LPP: variants seen among roughly 807,000 people sequenced by gnomAD.
The protein encoded by LPP is lipoma-preferred partner.
In LPP, 38 loss-of-function variants were observed where a neutral mutation model predicts 60.4. The observed-to-expected ratio is 0.63, with a 90% CI of 0.49 to 0.83. The LOEUF is 0.83. Ranked by LOEUF, LPP falls within the 40% of genes least tolerant of loss-of-function variation. LPP has a pLI of 0.00. For synonymous variants in LPP, 328 were observed against 290.8 expected, an observed-to-expected ratio of 1.13 and a Z score of -1.30; for missense variants, 902 against 783.6, an observed-to-expected ratio of 1.15 and a Z score of -1.80.
chr3:188,707,144 C>T (rs1425206272), intron 7 of LPP, among the ~76,000 whole-genome samples: 1 of 151,874 alleles, frequency 6.6e-6, no homozygotes, highest in Non-Finnish European at 1.5e-5. Context: ...GGCTCGCCCG[C>T]CTATTTATTT....
At position 188,280,638 on chromosome 3, in the gene LPP, A is replaced by G. The variant is rs187988713; in HGVS notation, c.-67+55111A>G. On this transcript the variant is annotated intron_variant, in intron 2 of 11. Transcript: ENST00000617246. ...GATTTCATTGTGATTCCAGTTGTCG[A>G]CGGTCCTATGTAGACAGGTGATTTG... Among the ~76,000 whole-genome samples the G allele has an allele frequency of 1.3e-4, 19 of 151,956 alleles. No homozygotes were observed. In the East Asian group the frequency reaches 2.9e-3, roughly 23 times the overall value.
rs191538670 is a variant in LPP at position 188,633,262 on chromosome 3, G to A, written c.1113+23418G>A. On this transcript the variant is annotated intron_variant, in intron 7 of 11. Transcript: ENST00000617246. ...CAACCAGTCTAAACAGAACCCACCC[G>A]GGTCACCTCCCACGTCACTGCTAAG... is the stretch of plus-strand genomic sequence containing the variant. Among the ~76,000 whole-genome samples the A allele has an allele frequency of 1.7e-4, 26 of 152,246 alleles. No individual in the cohort carries two copies. In the East Asian group the frequency reaches 4.4e-3, roughly 26 times the overall value.
intron 7 of LPP, among the ~76,000 whole-genome samples, chr3:188,621,474 T>A (rs1159744164): frequency 6.6e-6 from 1 of 152,308 alleles, no homozygotes. Flanking sequence ...TCTAGCTCCA[T>A]CTATGTTGCT....
intron 6 of LPP, among the ~76,000 whole-genome samples, chr3:188,582,154 CTTTTTT>C (rs10565240): frequency 5.9e-5 from 6 of 102,248 alleles, no homozygotes; most frequent in Non-Finnish European, 9.3e-5. Flanking sequence ...TTTTCTTTTT[CTTTTTT>C]TTTTTTTTTT....
At chr3:188,442,760 A>G (rs1399177511) in intron 4 of LPP, among the ~76,000 whole-genome samples, 1 of 152,200 alleles carries the variant, frequency 6.6e-6, no homozygotes, top group Non-Finnish European at 1.5e-5. Context: ...CTCTGTTTAT[A>G]CATTTTCAAC....
intron 2 of LPP, among the ~76,000 whole-genome samples, chr3:188,240,625 G>C (rs571382265): frequency 1.3e-5 from 2 of 152,246 alleles, no homozygotes; most frequent in Admixed American, 6.5e-5. Flanking sequence ...TATTTGGGTA[G>C]AAACTTTCAT....
chr3:188,229,267 T>C (rs976283119), intron 2 of LPP, among the ~76,000 whole-genome samples: 5 of 152,230 alleles, frequency 3.3e-5, no homozygotes, highest in Admixed American at 2.6e-4. Flanking sequence ...GGCTTCTTAC[T>C]TTGTTAGATT....
chr3:188,624,980 T>A (rs1317825081), intron 7 of LPP, among the ~76,000 whole-genome samples: 1 of 152,058 alleles, frequency 6.6e-6, no homozygotes, highest in African/African-American at 2.4e-5. Flanking sequence ...CTATTTCCTT[T>A]AGCAAGATGT....
intron 1 of LPP, among the ~76,000 whole-genome samples, chr3:188,224,131 T>A (rs1249885779): frequency 2.0e-5 from 3 of 152,254 alleles, no homozygotes; most frequent in Admixed American, 2.0e-4. Context: ...TGTGTTTTGT[T>A]GTCCTTTGTC....
intron 9 of LPP, among the ~76,000 whole-genome samples, chr3:188,846,749 A>G (rs1577946186): frequency 6.6e-6 from 1 of 151,830 alleles, no homozygotes; most frequent in African/African-American, 2.4e-5. Flanking sequence ...AAGTAATCTT[A>G]TCTGGCTAGA....
At chr3:188,204,429 C>T (rs9854884) in intron 1 of LPP, among the ~76,000 whole-genome samples, 9,489 of 152,118 alleles carry the variant, frequency 0.062, 341 homozygotes, top group South Asian at 0.13. Flanking sequence ...AGGAGGGCAA[C>T]AGGGAATCTT....
chr3:188,252,356 G>A (rs1432438389), intron 2 of LPP, among the ~76,000 whole-genome samples: 9 of 77,694 alleles, frequency 1.2e-4, no homozygotes, highest in East Asian at 1.1e-3. Flanking sequence ...CCCTTCTTCC[G>A]TTTTTTTTTC....
At chr3:188,219,555 C>T (rs1291183215) in intron 1 of LPP, among the ~76,000 whole-genome samples, 3 of 152,128 alleles carry the variant, frequency 2.0e-5, no homozygotes, top group African/African-American at 7.2e-5. Flanking sequence ...ATTTGCATAG[C>T]CCTACTGTTA....
rs973669164 is a variant in LPP at position 188,884,817 on chromosome 3, C to A, written c.*10338C>A. ...ATTCACATTTACTGAGAGCACACCACGTGCATGTTGCTGCAACAGGCATTT... is the reference window on the plus strand; with the variant it reads ...ATTCACATTTACTGAGAGCACACCAAGTGCATGTTGCTGCAACAGGCATTT... On this transcript the variant is annotated 3_prime_UTR_variant, in exon 12 of 12. Coordinates refer to ENST00000617246, the MANE Select transcript of LPP (RefSeq NM_001375462.1). 1 of 226,264 alleles carries A rather than the reference C, an allele frequency of 4.4e-6. No individual in the cohort carries two copies. The allele number at this position is 226,264 out of a possible 1,614,324, so 14.0% of individuals were successfully genotyped here.
intron 7 of LPP, chr3:188,688,779 A>C (rs1169789315): frequency 1.9e-6 from 1 of 524,916 alleles, no homozygotes; most frequent in African/African-American, 1.9e-5. Flanking sequence ...AAAATTTAAA[A>C]TGGTCCTTGC....
chr3:188,856,106 G>GGTT (rs1292415720), intron 9 of LPP, among the ~76,000 whole-genome samples: 1 of 152,104 alleles, frequency 6.6e-6, no homozygotes, highest in African/African-American at 2.4e-5. Flanking sequence ...CCTTGATTAC[G>GGTT]GTTAAGTCAA....
At chr3:188,506,508 A>G (rs538141619) in intron 5 of LPP, among the ~76,000 whole-genome samples, 2 of 152,304 alleles carry the variant, frequency 1.3e-5, no homozygotes, top group Non-Finnish European at 2.9e-5. Context: ...ATAAAATAAC[A>G]TGGGAGACTT....
At chr3:188,416,537 A>T (rs528673426) in intron 4 of LPP, among the ~76,000 whole-genome samples, 64 of 152,296 alleles carry the variant, frequency 4.2e-4, no homozygotes, top group Non-Finnish European at 7.1e-4. Context: ...ACCTTCTCCA[A>T]GTCCTGAGAG....
chr3:188,635,686 A>G (rs1337683687), intron 7 of LPP, among the ~76,000 whole-genome samples: 2 of 152,228 alleles, frequency 1.3e-5, no homozygotes, highest in African/African-American at 4.8e-5. Flanking sequence ...ATAGTGAGAA[A>G]TCAGAAGATG....
Sources: gnomAD v4.1 joint callset for allele counts (sites outside exome capture counted in the v4.1 genomes callset) on GRCh38, gnomAD v4.1.1 for gene constraint, MANE v1.5 for transcripts, NCBI Gene and HGNC (gene_info 2026-07-23, HGNC 2026-07-21) for gene names.